ABCA5: variants seen among roughly 807,000 people sequenced by gnomAD.
The protein encoded by ABCA5 is ATP binding cassette subfamily A member 5, also known as cholesterol transporter ABCA5.
A neutral mutation model predicts 206.0 loss-of-function variants in ABCA5; 163 were observed. That is an observed-to-expected ratio of 0.79 (90% CI 0.70 to 0.90). The LOEUF (loss-of-function observed/expected upper bound fraction) is 0.90. Ranked by LOEUF, ABCA5 falls within the 40% of genes least tolerant of loss-of-function variation. The probability of loss-of-function intolerance (pLI) is 0.00; values close to 1 mark genes in which losing one functional copy is unlikely to be tolerated. For missense variants in ABCA5, 1,859 were observed against 1,912.9 expected (o/e 0.97, Z 0.53); for synonymous variants, 609 against 613.8 (o/e 0.99, Z 0.11).
intron 19 of ABCA5, among the ~76,000 whole-genome samples, chr17:69,276,091 G>A (rs564818446): frequency 2.1e-5 from 3 of 142,524 alleles, no homozygotes; most frequent in African/African-American, 7.5e-5. Context: ...CTTTTTTTGG[G>A]GGGGCGGGGG....
chr17:69,300,100 A>T (rs2075636463), intron 9 of ABCA5, among the ~76,000 whole-genome samples: 1 of 152,216 alleles, frequency 6.6e-6, no homozygotes, highest in Non-Finnish European at 1.5e-5. Context: ...ACAATTATAC[A>T]ACTCACTATA....
At chr17:69,296,566 T>C (rs977748602) in intron 10 of ABCA5, among the ~76,000 whole-genome samples, 4 of 152,246 alleles carry the variant, frequency 2.6e-5, no homozygotes, top group Non-Finnish European at 5.9e-5. Flanking sequence ...AACAAAATTA[T>C]ATAGTTAATA....
chr17:69,301,864 C>T (rs2075655821), intron 8 of ABCA5, among the ~76,000 whole-genome samples: 1 of 152,072 alleles, frequency 6.6e-6, no homozygotes. Flanking sequence ...AGGCTTCAGT[C>T]CTCTCATTTA....
rs747419775 is a variant in ABCA5, at chr17:69,309,367, TAGAG to T, written c.360_363del (p.Lys122ArgfsTer5). On this transcript the variant is annotated frameshift_variant, in exon 4 of 39. Transcript: ENST00000392676. LOFTEE classifies it high-confidence loss of function. ...ACCACACCTACAAAGTTGCTCGGCT[TAGAG>T]AGACTGGATGTTAACATTTCTTTTT... 2 of 1,603,060 alleles carry T rather than the reference TAGAG, an allele frequency of 1.2e-6. No individual in the cohort carries two copies. Among genetic ancestry groups the T allele is most frequent in the African/African-American group, 2.7e-5 (2 of 74,276 alleles).
chr17:69,306,826 A>G lies in ABCA5; in HGVS notation c.687T>C (p.Phe229=), dbSNP rs887640340. ...GVILIYLVIA[F]SPFGYFLAIH... ...TTGCCAAAAAGTATCCAAAAGGTGA[A>G]AATGCTATAACTAGGTATATTAAAA... The change falls in exon 6 of 39, where the codon TTT becomes TTC. Residue 229 remains phenylalanine, a synonymous_variant. Transcript: ENST00000392676. 3 of 1,600,594 alleles carry G rather than the reference A, an allele frequency of 1.9e-6. No homozygotes were observed. Among genetic ancestry groups the G allele is most frequent in the Admixed American group, 1.7e-5 (1 of 58,736 alleles).
At chr17:69,254,217 A>G in intron 32 of ABCA5, 98 bp downstream of exon 32, 1 of 1,010,816 alleles carries the variant, frequency 9.9e-7, no homozygotes, top group South Asian at 2.0e-5. Context: ...TTCTATAAAA[A>G]TCATTGTCCA....
chr17:69,264,168 G>A (rs2075182278), intron 24 of ABCA5, among the ~76,000 whole-genome samples: 1 of 152,102 alleles, frequency 6.6e-6, no homozygotes, highest in African/African-American at 2.4e-5. Flanking sequence ...TCTAATCCAT[G>A]AGCATGAAAT....
At chr17:69,322,167 A>C (rs2075869872) in intron 1 of ABCA5, among the ~76,000 whole-genome samples, 1 of 151,984 alleles carries the variant, frequency 6.6e-6, no homozygotes, top group Non-Finnish European at 1.5e-5. Flanking sequence ...GTCAGGAGAC[A>C]GAAACTATCC....
rs571212361 is a variant in ABCA5, at chr17:69,314,075, A to G, written c.102+239T>C. Among the ~76,000 whole-genome samples, 69 of 152,324 alleles carry G rather than the reference A, an allele frequency of 4.5e-4. 3 individuals are homozygous for G. Among genetic ancestry groups the G allele is most frequent in the Admixed American group, 4.0e-3 (61 of 15,288 alleles). ...ACACATGCCTAAAAGCTGAAAATGA[A>G]GCACAGATGTTAGAAATTAACTAAA... On this transcript the variant is annotated intron_variant, in intron 2 of 38. Transcript: ENST00000392676.
chr17:69,313,361 T>C (rs2075788264), intron 2 of ABCA5, 65 bp from the exon 3 acceptor site: 1 of 771,252 alleles, frequency 1.3e-6, no homozygotes, highest in Non-Finnish European at 2.0e-6. Flanking sequence ...TCAAGATTTC[T>C]TGGCAAATAA....
At chr17:69,258,723 T>C (rs996903482) in intron 28 of ABCA5, among the ~76,000 whole-genome samples, 1 of 152,004 alleles carries the variant, frequency 6.6e-6, no homozygotes, top group African/African-American at 2.4e-5. Context: ...GCTGAATTTA[T>C]ATGGAATAAA....
intron 8 of ABCA5, among the ~76,000 whole-genome samples, chr17:69,301,806 AG>A (rs2075655062): frequency 6.6e-6 from 1 of 152,164 alleles, no homozygotes; most frequent in African/African-American, 2.4e-5. Flanking sequence ...AGCCTCATTT[AG>A]GTCCTAGCCC....
At position 69,314,343 on chromosome 17, in the gene ABCA5, T is replaced by C; in HGVS notation, c.73A>G (p.Lys25Glu). Residue 25 changes from lysine to glutamate, a missense_variant, in exon 2 of 39, where the codon AAA becomes GAA. Physicochemically the swap from Lys to Glu is moderately conservative, Grantham distance 56. Coordinates refer to ENST00000392676, the MANE Select transcript of ABCA5 (RefSeq NM_172232.4). ...RTLLLKNYLI[K>E]CRTKKSSVQE... ...ACACTACTCTTTTTGGTTCTGCATT[T>C]AATTAAGTAATTCTTCAGTAGAAGT... is the stretch of plus-strand genomic sequence containing the variant. 6 of 1,613,696 alleles carry C rather than the reference T, an allele frequency of 3.7e-6. No individual in the cohort carries two copies. The highest frequency in any genetic ancestry group is 5.1e-6 in the Non-Finnish European group (6 of 1,179,656).
chr17:69,286,411 T>C, intron 15 of ABCA5, 100 bp from the exon 16 acceptor site: 1 of 1,012,274 alleles, frequency 9.9e-7, no homozygotes, highest in Non-Finnish European at 1.5e-6. Context: ...ATCCACATTA[T>C]GATATCATTA....
chr17:69,283,485 A>C (rs556924221), intron 18 of ABCA5, among the ~76,000 whole-genome samples: 4 of 152,280 alleles, frequency 2.6e-5, no homozygotes, highest in African/African-American at 9.6e-5. Flanking sequence ...AGGAAAACAA[A>C]TGAAATTGTT....
chr17:69,292,826 C>T (rs933338722), intron 11 of ABCA5, among the ~76,000 whole-genome samples: 7 of 152,080 alleles, frequency 4.6e-5, no homozygotes, highest in Non-Finnish European at 4.4e-5. Context: ...AAAAGGCAAG[C>T]CTCAGACTGA....
intron 24 of ABCA5, among the ~76,000 whole-genome samples, chr17:69,262,571 T>G (rs2075161232): frequency 6.6e-6 from 1 of 152,222 alleles, no homozygotes; most frequent in South Asian, 2.1e-4. Context: ...ATTTCATTCT[T>G]TTTTATGGCT....
At chr17:69,291,765 T>C (rs2075528419) in intron 11 of ABCA5, among the ~76,000 whole-genome samples, 1 of 152,072 alleles carries the variant, frequency 6.6e-6, no homozygotes, top group South Asian at 2.1e-4. Flanking sequence ...TGTAAAGGAA[T>C]GAAGGAAGAC....
At chr17:69,291,899 G>A (rs2144986110) in intron 11 of ABCA5, among the ~76,000 whole-genome samples, 1 of 152,176 alleles carries the variant, frequency 6.6e-6, no homozygotes, top group South Asian at 2.1e-4. Flanking sequence ...GATCACTTGG[G>A]CCCAGGAGTT....
Sources: gnomAD v4.1 joint callset for allele counts (sites outside exome capture counted in the v4.1 genomes callset) on GRCh38, gnomAD v4.1.1 for gene constraint, MANE v1.5 for transcripts, NCBI Gene and HGNC (gene_info 2026-07-23, HGNC 2026-07-21) for gene names.